The following CAPG variants were observed in gnomAD, a reference collection of about 807,000 sequenced individuals.
CAPG encodes macrophage-capping protein.
A neutral mutation model predicts 44.6 loss-of-function variants in CAPG; 32 were observed. The ratio of observed to expected loss-of-function variants is 0.72; its 90% CI spans 0.54 to 0.96. The LOEUF (loss-of-function observed/expected upper bound fraction) is 0.96, where lower values mean the gene tolerates loss of function less well. Among genes scored for constraint, CAPG ranks in the 50% least tolerant of loss-of-function variants. The pLI, the probability that CAPG is intolerant of heterozygous loss-of-function variation, is 0.00. For missense variants in CAPG, 412 were observed against 438.3 expected (o/e 0.94, Z 0.54); for synonymous variants, 175 against 179.6 (o/e 0.97, Z 0.20).
At chr2:85,416,777 G>C (rs1293716069) in intron 1 of CAPG, among the ~76,000 whole-genome samples, 1 of 152,134 alleles carries the variant, frequency 6.6e-6, no homozygotes, top group Non-Finnish European at 1.5e-5. Flanking sequence ...GCCTCCCAAA[G>C]TGTTGGGATT....
intron 1 of CAPG, among the ~76,000 whole-genome samples, chr2:85,404,847 T>C (rs1483791043): frequency 6.6e-6 from 1 of 151,326 alleles, no homozygotes; most frequent in African/African-American, 2.4e-5. Flanking sequence ...GAGGAGTGAG[T>C]ATCGCTTGAG....
At chr2:85,418,110 G>GA (rs1017844339) in intron 1 of CAPG, among the ~76,000 whole-genome samples, 7 of 152,070 alleles carry the variant, frequency 4.6e-5, no homozygotes, top group African/African-American at 1.7e-4. Flanking sequence ...GGGCAGGCCT[G>GA]TTCATTATTT....
Position 85,399,199 on chromosome 2 carries a change from C to T in CAPG, c.603G>A (p.Glu201=), listed in dbSNP as rs982365100. Residue 201 remains glutamate (E), a synonymous_variant, in exon 6 of 10, where the codon GAG becomes GAA. Coordinates refer to ENST00000263867, the MANE Select transcript of CAPG (RefSeq NM_001747.4). ...TCTCCACCTGGGCCTTGCCCTGTCG[C>T]TCACTGTCCCGGATGGCCAGGGCCA... ...RDLALAIRDS[E]RQGKAQVEIV... is the part of the protein sequence containing the mutation. 11 of 1,614,138 alleles carry T rather than the reference C, an allele frequency of 6.8e-6. No individual in the cohort carries two copies. The highest frequency in any genetic ancestry group is 3.3e-5 in the Admixed American group (2 of 60,016).
intron 4 of CAPG, 75 bp from the exon 5 acceptor site, chr2:85,401,404 C>A: frequency 6.3e-7 from 1 of 1,577,906 alleles, no homozygotes; most frequent in South Asian, 1.1e-5. Flanking sequence ...CACTGGAAGA[C>A]GGGCAGAAAG....
chr2:85,417,779 C>T (rs1241368081), intron 1 of CAPG, among the ~76,000 whole-genome samples: 3 of 152,096 alleles, frequency 2.0e-5, no homozygotes, highest in Admixed American at 6.5e-5. Context: ...CCACTGCGCC[C>T]GGCCATACCC....
intron 1 of CAPG, among the ~76,000 whole-genome samples, chr2:85,402,867 T>C (rs1282015857): frequency 6.6e-6 from 1 of 150,856 alleles, no homozygotes; most frequent in Non-Finnish European, 1.5e-5. Context: ...GCCTCATGAG[T>C]TCAAGTGATT....
chr2:85,417,881 T>C lies in CAPG; in HGVS notation c.-14+386A>G, dbSNP rs573202891. On this transcript the variant is annotated intron_variant, in intron 1 of 5. Transcript: ENST00000409275. The stretch of plus-strand genomic sequence containing the variant: ...TGATAATAACACCTCACTCATAACC[T>C]GGACTTCACAGTTTACAAAACACCC... 5.7e-4 allele frequency among the ~76,000 whole-genome samples: 87 copies of C among 152,298 alleles called. 1 individual carries two copies. The highest frequency in any genetic ancestry group is 9.8e-4 in the Admixed American group (15 of 15,300).
upstream of CAPG, among the ~76,000 whole-genome samples, chr2:85,411,515 C>T (rs553581381): frequency 1.3e-5 from 2 of 152,326 alleles, no homozygotes; most frequent in Admixed American, 6.5e-5. Flanking sequence ...GAAGGATGAG[C>T]GGACTCAGTA....
upstream of CAPG, chr2:85,413,348 G>A (rs1255519408): frequency 3.3e-5 from 5 of 152,272 alleles, no homozygotes; most frequent in Admixed American, 2.6e-4. Flanking sequence ...GGGAGGCCGT[G>A]GCGGGCGGAT....
chr2:85,395,300 G>A lies in CAPG; in HGVS notation c.981+238C>T, dbSNP rs1172105975. 6.6e-6 allele frequency among the ~76,000 whole-genome samples: 1 copy of A among 152,212 alleles called. No individual in the cohort carries two copies. ...AGCCAGGGACAACGGCCCAGAGGAGGAGTACCCAGTTCTCTGGGCACCCAG... is the reference window on the plus strand; with the variant it reads ...AGCCAGGGACAACGGCCCAGAGGAGAAGTACCCAGTTCTCTGGGCACCCAG... On this transcript the variant is annotated intron_variant, in intron 9 of 9. Coordinates refer to ENST00000263867, the MANE Select transcript of CAPG (RefSeq NM_001747.4). The surrounding 1 kb of genome is among the most constrained non-coding windows in gnomAD (Gnocchi z 4.3).
chr2:85,392,389 CA>C (rs780926003), downstream of CAPG, among the ~76,000 whole-genome samples: 10,136 of 100,108 alleles, frequency 0.1, 446 homozygotes, highest in African/African-American at 0.18. Flanking sequence ...GACTCCGTCT[CA>C]AAAAAAAAAA....
At chr2:85,409,441 C>T (rs1298659540) in intron 1 of CAPG, among the ~76,000 whole-genome samples, 1 of 152,102 alleles carries the variant, frequency 6.6e-6, no homozygotes, top group East Asian at 1.9e-4. Flanking sequence ...GACTTGACAG[C>T]CATCAGAGGG....
rs910846230 is a variant in CAPG, at chr2:85,401,258, C to G, written c.423G>C (p.Gln141His). The change falls in exon 5 of 10, where the codon CAG becomes CAC. Residue 141 changes from glutamine to histidine, a missense_variant. Physicochemically the swap from Gln to His is conservative, Grantham distance 24. Transcript: ENST00000263867. Reference protein sequence around the residue: ...GAPAAIKKLYQVKGKKNIRAT... With the variant: ...GAPAAIKKLYHVKGKKNIRAT... ...CACGGATGTTCTTCTTCCCCTTCAC[C>G]TGGTAGAGTTTCTTGATGGCAGCTG... 9 of 1,614,188 alleles carry G rather than the reference C, an allele frequency of 5.6e-6. No individual in the cohort carries two copies. Among genetic ancestry groups the G allele is most frequent in the Middle Eastern group, 1.6e-4 (1 of 6,062 alleles).
Position 85,401,653 on chromosome 2 carries a change from G to GC in CAPG, c.226dup (p.Ala76GlyfsTer27). On this transcript the variant is annotated frameshift_variant, in exon 4 of 10. Transcript: ENST00000263867. LOFTEE classifies it high-confidence loss of function. ...GAGGTGCACAGCCAGCACGGCACAG[G>GC]CCCCCTGCTCATCCCGGGATGACTG... 1 of 1,614,160 alleles carries GC rather than the reference G, an allele frequency of 6.2e-7. No individual in the cohort carries two copies. The highest frequency in any genetic ancestry group is 8.5e-7 in the Non-Finnish European group (1 of 1,180,030).
intron 1 of CAPG, among the ~76,000 whole-genome samples, chr2:85,416,245 C>A (rs1687550484): frequency 6.6e-6 from 1 of 151,914 alleles, no homozygotes; most frequent in Admixed American, 6.5e-5. Flanking sequence ...GGACTCATTT[C>A]CAGTGCTGAG....
At chr2:85,403,258 CA>C (rs1477275710) in intron 1 of CAPG, among the ~76,000 whole-genome samples, 1 of 152,048 alleles carries the variant, frequency 6.6e-6, no homozygotes, top group Admixed American at 6.6e-5. Context: ...ATAAAATGGG[CA>C]AATTCCTTCA....
intron 8 of CAPG, among the ~76,000 whole-genome samples, chr2:85,397,587 C>T (rs1344660915): frequency 6.6e-5 from 10 of 152,124 alleles, no homozygotes; most frequent in African/African-American, 2.4e-4. Context: ...CCTGTACTCC[C>T]AGCTACTCGG....
At chr2:85,398,610 A>C (rs1686722984) in intron 7 of CAPG, 80 bp downstream of exon 7, 4 of 1,182,900 alleles carry the variant, frequency 3.4e-6, no homozygotes, top group Admixed American at 2.1e-5. Flanking sequence ...TCTCCCCTCC[A>C]CCCTGCTTGC....
chr2:85,416,925 G>A (rs944694328), intron 1 of CAPG, among the ~76,000 whole-genome samples: 6 of 152,186 alleles, frequency 3.9e-5, no homozygotes, highest in Non-Finnish European at 7.3e-5. Flanking sequence ...CAGGGGTCTG[G>A]GTGGCCATAT....
Sources: allele counts gnomAD v4.1 joint callset (sites outside exome capture counted in the v4.1 genomes callset), GRCh38; gene constraint gnomAD v4.1.1; non-coding constraint Gnocchi (gnomAD v3.1); transcripts MANE v1.5; gene names NCBI Gene and HGNC (gene_info 2026-07-23, HGNC 2026-07-21).